The following PATJ variants were observed in gnomAD, a reference collection of about 807,000 sequenced individuals.
PATJ encodes PATJ crumbs cell polarity complex component.
PATJ carries 190 observed loss-of-function variants against 224.9 expected under a neutral mutation model. The ratio of observed to expected loss-of-function variants is 0.84; its 90% CI spans 0.75 to 0.95. PATJ has a LOEUF of 0.95. Ranked by LOEUF, PATJ falls within the 40% of genes least tolerant of loss-of-function variation. The pLI is 0.00. For synonymous variants in PATJ, 769 were observed against 820.3 expected (o/e 0.94, Z 1.07); for missense variants, 2,121 against 2,270.3 (o/e 0.93, Z 1.34).
intron 26 of PATJ, among the ~76,000 whole-genome samples, chr1:61,923,489 G>T (rs1652515682): frequency 6.6e-6 from 1 of 151,968 alleles, no homozygotes; most frequent in African/African-American, 2.4e-5. Flanking sequence ...ACTAGAAGAA[G>T]TTTTTTTTGT....
At chr1:61,774,276 G>A (rs1646795978) in intron 6 of PATJ, among the ~76,000 whole-genome samples, 1 of 152,104 alleles carries the variant, frequency 6.6e-6, no homozygotes, top group African/African-American at 2.4e-5. Context: ...GTAACAGAGT[G>A]AGACCCTGTC....
At chr1:61,779,657 C>T (rs543836311) in intron 7 of PATJ, among the ~76,000 whole-genome samples, 56 of 152,292 alleles carry the variant, frequency 3.7e-4, no homozygotes, top group African/African-American at 1.1e-3. Flanking sequence ...AGCAGATTCC[C>T]GTACTACTTT....
rs541776977 is a variant in PATJ at position 62,065,935 on chromosome 1, C to T, written c.4126-13515C>T. 1.4e-4 allele frequency among the ~76,000 whole-genome samples: 22 copies of T among 152,286 alleles called. No homozygotes were observed. In the South Asian group the frequency reaches 3.9e-3, roughly 27 times the overall value. ...CTGTTCTCTGAGTCTATGAAGTTTT[C>T]GGTTTTCTGGGAAGCCTTATTTGCA... is the stretch of plus-strand genomic sequence containing the variant. On this transcript the variant is annotated intron_variant, in intron 31 of 43. Transcript: ENST00000642238.
At chr1:61,798,160 C>G (rs1321893096) in intron 11 of PATJ, among the ~76,000 whole-genome samples, 1 of 151,916 alleles carries the variant, frequency 6.6e-6, no homozygotes, top group Non-Finnish European at 1.5e-5. Flanking sequence ...TCTTGATTTA[C>G]TTTTTGAAGT....
At chr1:61,882,428 A>G (rs1668231863) in intron 21 of PATJ, among the ~76,000 whole-genome samples, 1 of 152,218 alleles carries the variant, frequency 6.6e-6, no homozygotes, top group Non-Finnish European at 1.5e-5. Flanking sequence ...TAATGCAGAT[A>G]AACAAAAAGT....
At chr1:62,149,101 C>T (rs1306937205) in intron 42 of PATJ, among the ~76,000 whole-genome samples, 2 of 145,716 alleles carry the variant, frequency 1.4e-5, no homozygotes, top group South Asian at 2.2e-4. Flanking sequence ...GCACTCCAGC[C>T]TGGGCAACAA....
chr1:62,055,053 C>CA (rs1433324850), intron 31 of PATJ, among the ~76,000 whole-genome samples: 9 of 149,014 alleles, frequency 6.0e-5, no homozygotes, highest in Admixed American at 6.0e-4. Flanking sequence ...GACTGTGTCT[C>CA]AAAAAAAAGA....
intron 20 of PATJ, among the ~76,000 whole-genome samples, chr1:61,871,444 C>CACATATATATGCATATATATATGTATAT (rs1553186011): frequency 0.13 from 1,446 of 11,134 alleles, 36 homozygotes; most frequent in Non-Finnish European, 0.21. Context: ...TGTGTATATA[C>CACATATATATGCATATATATATGTATAT]ACATATATAT....
intron 16 of PATJ, among the ~76,000 whole-genome samples, chr1:61,830,152 C>G (rs181451981): frequency 5.9e-4 from 90 of 152,262 alleles, no homozygotes; most frequent in Non-Finnish European, 9.7e-4. Flanking sequence ...ATCTGATAAA[C>G]AACTTCAGAA....
chr1:62,066,387 C>CT (rs200726650), intron 31 of PATJ, among the ~76,000 whole-genome samples: 9,011 of 144,908 alleles, frequency 0.062, 858 homozygotes, highest in African/African-American at 0.21. Flanking sequence ...GCTGTGGGAA[C>CT]TTTTTTTTTT....
chr1:62,141,402 C>T (rs750823624), intron 41 of PATJ, among the ~76,000 whole-genome samples: 21 of 152,130 alleles, frequency 1.4e-4, no homozygotes, highest in Non-Finnish European at 2.5e-4. Context: ...TAGCCGGGCG[C>T]GTTGGCTCAT....
intron 1 of PATJ, among the ~76,000 whole-genome samples, chr1:61,754,914 A>C (rs1008767671): frequency 9.2e-5 from 14 of 152,172 alleles, no homozygotes; most frequent in African/African-American, 3.1e-4. Context: ...GAATAAAATA[A>C]GAGGTAGACG....
chr1:61,933,051 T>C (rs868339386), intron 27 of PATJ, among the ~76,000 whole-genome samples: 14 of 152,338 alleles, frequency 9.2e-5, no homozygotes, highest in African/African-American at 3.4e-4. Flanking sequence ...GACATCCTGG[T>C]GTCTAATTAT....
At chr1:62,030,360 A>G (rs1020727619) in intron 29 of PATJ, among the ~76,000 whole-genome samples, 2 of 152,196 alleles carry the variant, frequency 1.3e-5, no homozygotes, top group East Asian at 1.9e-4. Context: ...CATTATCCCA[A>G]TTTTAAAGGT....
At chr1:62,150,656 G>A (rs1668524035) in intron 42 of PATJ, among the ~76,000 whole-genome samples, 2 of 113,668 alleles carry the variant, frequency 1.8e-5, no homozygotes, top group African/African-American at 7.0e-5. Flanking sequence ...CAGCCTAGGA[G>A]ACAGAACAAG....
Position 61,763,099 on chromosome 1 carries a change from A to T in PATJ, c.109A>T (p.Met37Leu). The T allele has an allele frequency of 2.5e-6, 4 of 1,611,218 alleles. No homozygotes were observed. The highest frequency in any genetic ancestry group is 3.4e-6 in the Non-Finnish European group (4 of 1,178,080). The change falls in exon 3 of 44, where the codon ATG (methionine) becomes TTG (leucine). Residue 37 changes from methionine (M) to leucine (L), a missense_variant. By Grantham distance (15) the Met-to-Leu change is conservative. Coordinates refer to ENST00000642238, the MANE Select transcript of PATJ (RefSeq NM_001350145.3). ...CACGTCGCAGAATGAGAAGTTATCT[A>T]TGTTTTATGAGACACTAAAGAGTCC... ...GDTSQNEKLS[M>L]FYETLKSPLF...
chr1:61,897,222 A>T (rs1211939633), intron 22 of PATJ, among the ~76,000 whole-genome samples: 1 of 152,228 alleles, frequency 6.6e-6, no homozygotes, highest in Non-Finnish European at 1.5e-5. Context: ...AGTTTGTGCT[A>T]TAATTACAGT....
At chr1:61,781,658 G>C (rs1407247017) in intron 7 of PATJ, among the ~76,000 whole-genome samples, 1 of 152,108 alleles carries the variant, frequency 6.6e-6, no homozygotes. Flanking sequence ...TTGAATTCTG[G>C]ATCCACCTCT....
At chr1:61,952,389 A>G (rs1244209351) in intron 27 of PATJ, 1 of 717,082 alleles carries the variant, frequency 1.4e-6, no homozygotes, top group African/African-American at 1.7e-5. Context: ...GGAACACAAC[A>G]ATGGTCCAAG....
Sources: gnomAD v4.1 joint callset for allele counts (sites outside exome capture counted in the v4.1 genomes callset) on GRCh38, gnomAD v4.1.1 for gene constraint, MANE v1.5 for transcripts, NCBI Gene and HGNC (gene_info 2026-07-23, HGNC 2026-07-21) for gene names.